Variants in ZFHX3 observed in about 807,000 individuals in gnomAD.
The protein encoded by ZFHX3 is zinc finger homeobox 3.
Under a neutral mutation model 279.1 loss-of-function variants are expected in ZFHX3, and 42 were observed. That is an observed-to-expected ratio of 0.15 (90% CI 0.12 to 0.19). The LOEUF is 0.19. Ranked by LOEUF, ZFHX3 falls within the 10% of genes least tolerant of loss-of-function variation. ZFHX3 has a pLI of 1.00. For synonymous variants in ZFHX3, 2,293 were observed against 1,957.8 expected, an observed-to-expected ratio of 1.17 and a Z score of -4.52; for missense variants, 4,981 against 4,754.0, an observed-to-expected ratio of 1.05 and a Z score of -1.40.
intron 3 of ZFHX3, among the ~76,000 whole-genome samples, chr16:73,446,621 A>C (rs920554695): frequency 5.9e-5 from 9 of 152,178 alleles, no homozygotes; most frequent in Non-Finnish European, 8.8e-5. Flanking sequence ...TCCTTAGCAA[A>C]CTAACACAGG....
At chr16:72,879,510 C>A (rs574862971) in intron 4 of ZFHX3, among the ~76,000 whole-genome samples, 5 of 152,218 alleles carry the variant, frequency 3.3e-5, no homozygotes, top group Non-Finnish European at 7.3e-5. Flanking sequence ...ATTGCAACCT[C>A]TGCCTCCCAG....
chr16:73,020,805 C>T (rs778763280), intron 1 of ZFHX3, among the ~76,000 whole-genome samples: 34 of 152,178 alleles, frequency 2.2e-4, no homozygotes, highest in Non-Finnish European at 4.1e-4. Context: ...TCAAATCTGG[C>T]TGAACTGAGT....
At chr16:73,086,869 C>T (rs1770090827) in intron 8 of ZFHX3, among the ~76,000 whole-genome samples, 1 of 152,122 alleles carries the variant, frequency 6.6e-6, no homozygotes, top group South Asian at 2.1e-4. Flanking sequence ...CACCACTGCA[C>T]TCCATCCTGG....
intron 1 of ZFHX3, among the ~76,000 whole-genome samples, chr16:72,986,055 C>G (rs554912842): frequency 6.6e-6 from 1 of 152,074 alleles, no homozygotes; most frequent in African/African-American, 2.4e-5. Context: ...CCCCACCCCG[C>G]CAACTCCCCA....
rs139690759 is a variant in ZFHX3, at chr16:73,632,206, T to C, written c.-1547+47974A>G. Among the ~76,000 whole-genome samples the C allele has an allele frequency of 1.9e-3, 285 of 152,272 alleles. 2 individuals carry two copies. Among genetic ancestry groups the C allele is most frequent in the Middle Eastern group, 6.8e-3 (2 of 294 alleles). On this transcript the variant is annotated intron_variant, in intron 2 of 17. Coordinates refer to the ZFHX3 transcript ENST00000641206. ...AATTTATGTCTTCTTGAAGGGCTTG[T>C]TCTGGGCATGGGGTTAGAAAAAGGA...
At chr16:73,727,216 G>A (rs2053526282) in intron 1 of ZFHX3, among the ~76,000 whole-genome samples, 2 of 152,206 alleles carry the variant, frequency 1.3e-5, no homozygotes, top group African/African-American at 2.4e-5. Context: ...AATCCTGGCA[G>A]GCAGCAGAGC....
chr16:73,506,766 C>G (rs1451811923), intron 2 of ZFHX3, among the ~76,000 whole-genome samples: 1 of 152,124 alleles, frequency 6.6e-6, no homozygotes, highest in Non-Finnish European at 1.5e-5. Context: ...CCACAGGGTC[C>G]CAGCAGATGA....
At chr16:72,825,864 C>T (rs571722527) in intron 5 of ZFHX3, among the ~76,000 whole-genome samples, 1 of 152,274 alleles carries the variant, frequency 6.6e-6, no homozygotes, top group Middle Eastern at 3.4e-3. Context: ...GGCTCAATAG[C>T]CATATGTGGT....
chr16:73,112,914 C>A (rs139512346), intron 7 of ZFHX3, among the ~76,000 whole-genome samples: 2 of 151,864 alleles, frequency 1.3e-5, no homozygotes, highest in Non-Finnish European at 2.9e-5. Context: ...GAGCCAGGCC[C>A]GCCCTGGAGT....
At chr16:73,066,809 T>C (rs530163497) in intron 8 of ZFHX3, among the ~76,000 whole-genome samples, 30 of 152,288 alleles carry the variant, frequency 2.0e-4, no homozygotes, top group African/African-American at 7.0e-4. Flanking sequence ...GGTGGTTCCC[T>C]TCTCTTTCCG....
chr16:73,150,442 A>T (rs752743635), intron 5 of ZFHX3, among the ~76,000 whole-genome samples: 11 of 152,228 alleles, frequency 7.2e-5, no homozygotes, highest in Non-Finnish European at 1.2e-4. Context: ...TCAATAAATG[A>T]AAGTAACAAT....
At chr16:73,755,002 A>G (rs988990436) in intron 1 of ZFHX3, among the ~76,000 whole-genome samples, 2 of 152,198 alleles carry the variant, frequency 1.3e-5, no homozygotes, top group African/African-American at 4.8e-5. Context: ...TAATCTTCAA[A>G]GCACCCTCCT....
intron 4 of ZFHX3, among the ~76,000 whole-genome samples, chr16:72,843,380 G>A (rs1039083654): frequency 6.2e-4 from 94 of 152,088 alleles, no homozygotes; most frequent in South Asian, 1.5e-3. Context: ...GCGTGGTGGC[G>A]GGCGCCTGTA....
chr16:73,720,980 G>T (rs776219908), intron 1 of ZFHX3, among the ~76,000 whole-genome samples: 1 of 152,182 alleles, frequency 6.6e-6, no homozygotes. Context: ...TAGGGGCCAC[G>T]TGTGGCTGAC....
At chr16:72,813,552 T>C (rs1254062639) in intron 5 of ZFHX3, among the ~76,000 whole-genome samples, 4 of 152,194 alleles carry the variant, frequency 2.6e-5, no homozygotes, top group Non-Finnish European at 5.9e-5. Context: ...TTAACCCCAG[T>C]ATCTTGGTAA....
At chr16:72,983,919 C>A (rs146043477) in intron 1 of ZFHX3, among the ~76,000 whole-genome samples, 59 of 152,224 alleles carry the variant, frequency 3.9e-4, no homozygotes, top group Admixed American at 1.4e-3. Context: ...CTTGCCATTA[C>A]CCCCCGGCCC....
intron 8 of ZFHX3, among the ~76,000 whole-genome samples, chr16:73,090,752 A>G (rs555191133): frequency 2.6e-5 from 4 of 151,572 alleles, no homozygotes; most frequent in Non-Finnish European, 5.9e-5. Flanking sequence ...AACAAAAAAC[A>G]TACAAAACAT....
chr16:73,836,466 T>G (rs752043579), intron 1 of ZFHX3, among the ~76,000 whole-genome samples: 1 of 152,230 alleles, frequency 6.6e-6, no homozygotes, highest in Non-Finnish European at 1.5e-5. Context: ...GATTCAGGAC[T>G]TGAGTCATTT....
intron 5 of ZFHX3, among the ~76,000 whole-genome samples, chr16:73,169,429 T>G (rs1967467771): frequency 6.6e-6 from 1 of 152,188 alleles, no homozygotes; most frequent in African/African-American, 2.4e-5. Context: ...ACGGTATGAC[T>G]TTCACTTCTG....
Sources: allele counts gnomAD v4.1 joint callset (sites outside exome capture counted in the v4.1 genomes callset), GRCh38; gene constraint gnomAD v4.1.1; transcripts MANE v1.5; gene names NCBI Gene and HGNC (gene_info 2026-07-23, HGNC 2026-07-21).